The following MBOAT1 variants were observed in gnomAD, a reference collection of about 807,000 sequenced individuals.
MBOAT1 encodes the protein membrane-bound glycerophospholipid O-acyltransferase 1.
A neutral mutation model predicts 64.4 loss-of-function variants in MBOAT1; 67 were observed. The ratio of observed to expected loss-of-function variants is 1.04; its 90% CI spans 0.85 to 1.27. MBOAT1 has a LOEUF of 1.27. MBOAT1 is among the 50% of genes most tolerant of loss of function. MBOAT1 has a pLI of 0.00. For synonymous variants in MBOAT1, 229 were observed against 218.9 expected (o/e 1.05, Z -0.41); for missense variants, 563 against 604.6 (o/e 0.93, Z 0.72).
intron 3 of MBOAT1, among the ~76,000 whole-genome samples, chr6:20,147,216 C>CT (rs1435072019): frequency 1.3e-5 from 2 of 152,220 alleles, no homozygotes; most frequent in Non-Finnish European, 2.9e-5. Context: ...TCAGGTATGT[C>CT]TTTATCAGCA....
At chr6:20,127,391 C>A (rs1760686626) in intron 6 of MBOAT1, among the ~76,000 whole-genome samples, 1 of 152,172 alleles carries the variant, frequency 6.6e-6, no homozygotes, top group South Asian at 2.1e-4. Context: ...GCAGGGATTC[C>A]CAACCCCTGG....
At chr6:20,162,026 C>CTG (rs1166535939) in intron 1 of MBOAT1, among the ~76,000 whole-genome samples, 8 of 152,084 alleles carry the variant, frequency 5.3e-5, no homozygotes, top group Non-Finnish European at 1.0e-4. Flanking sequence ...TGTGTCTTCC[C>CTG]TGTGTGTGTG....
chr6:20,147,190 T>C (rs986878823), intron 3 of MBOAT1, among the ~76,000 whole-genome samples: 1 of 152,238 alleles, frequency 6.6e-6, no homozygotes, highest in African/African-American at 2.4e-5. Context: ...TCTTTTTGTA[T>C]ATAAATTACC....
chr6:20,210,382 G>A (rs775787753), intron 1 of MBOAT1, among the ~76,000 whole-genome samples: 7 of 152,110 alleles, frequency 4.6e-5, no homozygotes, highest in Non-Finnish European at 5.9e-5. Context: ...AGCCTCAAAC[G>A]ACCTTATTTA....
rs771811461 is a variant in MBOAT1, at chr6:20,198,300, A to C, written c.99+13836T>G. ...TAAGAACGTGTTCCATCTAATACGA[A>C]GCAAATGGCAATCTTCTAAAATCCT... On this transcript the variant is annotated intron_variant, in intron 1 of 12. Coordinates refer to ENST00000324607, the MANE Select transcript of MBOAT1 (RefSeq NM_001080480.3). Among the ~76,000 whole-genome samples the C allele has an allele frequency of 2.0e-5, 3 of 152,326 alleles. No homozygotes were observed. In the South Asian group the frequency reaches 6.2e-4, roughly 32 times the overall value.
intron 4 of MBOAT1, among the ~76,000 whole-genome samples, chr6:20,132,179 C>T (rs1760849659): frequency 6.6e-6 from 1 of 152,118 alleles, no homozygotes; most frequent in South Asian, 2.1e-4. Flanking sequence ...CCATGCCCAC[C>T]TAAGAATCTG....
At chr6:20,117,776 C>T (rs1381050991) in intron 9 of MBOAT1, among the ~76,000 whole-genome samples, 2 of 152,234 alleles carry the variant, frequency 1.3e-5, no homozygotes, top group East Asian at 1.9e-4. Context: ...GAGAATCATG[C>T]CCCTCCTCCC....
intron 1 of MBOAT1, among the ~76,000 whole-genome samples, chr6:20,155,701 G>C (rs1761656161): frequency 6.6e-6 from 1 of 152,166 alleles, no homozygotes; most frequent in Admixed American, 6.5e-5. Flanking sequence ...AGAAAAACAA[G>C]CTTGGCCAAT....
chr6:20,129,242 A>G (rs1409656401), intron 5 of MBOAT1, among the ~76,000 whole-genome samples: 1 of 152,194 alleles, frequency 6.6e-6, no homozygotes, highest in Non-Finnish European at 1.5e-5. Flanking sequence ...CCAGAACAAT[A>G]AAAAATAAAA....
At chr6:20,211,069 G>A (rs1294627295) in intron 1 of MBOAT1, among the ~76,000 whole-genome samples, 2 of 152,158 alleles carry the variant, frequency 1.3e-5, no homozygotes, top group Non-Finnish European at 2.9e-5. Flanking sequence ...GAACGCAATG[G>A]TCACATCAGG....
rs370734038 is a variant in MBOAT1, at chr6:20,126,133, A to C, written c.714+384T>G. ...TGAGCTCTACAAGAAAAACACAGTA[A>C]TTCCAGTTCCGTGGTCCCCCTCCCC... On this transcript the variant is annotated intron_variant, in intron 7 of 12. Coordinates refer to ENST00000324607, the MANE Select transcript of MBOAT1 (RefSeq NM_001080480.3). 9.2e-5 allele frequency among the ~76,000 whole-genome samples: 14 copies of C among 152,198 alleles called. No homozygotes were observed. The East Asian group carries it at 1.5e-3, about 17-fold the overall frequency.
chr6:20,128,547 T>C, intron 6 of MBOAT1, 152 bp downstream of exon 6: 2 of 572,260 alleles, frequency 3.5e-6, no homozygotes, highest in East Asian at 6.5e-5. Context: ...CAAAGACTGG[T>C]AACAATGCAC....
At chr6:20,113,115 G>C (rs180877134) in intron 10 of MBOAT1, 107 bp from the exon 11 acceptor site, 246 of 1,340,328 alleles carry the variant, frequency 1.8e-4, no homozygotes, top group Non-Finnish European at 2.3e-4. Context: ...GGTTGTTACT[G>C]ATGAGATGCC....
intron 8 of MBOAT1, among the ~76,000 whole-genome samples, chr6:20,120,209 TA>T (rs1561749796): frequency 6.6e-6 from 1 of 152,078 alleles, no homozygotes; most frequent in Non-Finnish European, 1.5e-5. Flanking sequence ...ATCTAACGTC[TA>T]AAAACCTGCT....
intron 12 of MBOAT1, among the ~76,000 whole-genome samples, chr6:20,108,596 C>T (rs374656618): frequency 1.3e-5 from 2 of 152,194 alleles, no homozygotes; most frequent in Non-Finnish European, 2.9e-5. Context: ...ACCCCTCCAT[C>T]GGCTATAGGG....
rs78418520 is a variant in MBOAT1, at chr6:20,173,772, G to A, written c.100-21003C>T. ...TCGAGACGAGCCTGGCAAACATGAT[G>A]AAACCCTGTCTCTACTAAAAATACA... On this transcript the variant is annotated intron_variant, in intron 1 of 12. Coordinates refer to ENST00000324607, the MANE Select transcript of MBOAT1 (RefSeq NM_001080480.3). 8.1e-3 allele frequency among the ~76,000 whole-genome samples: 1,231 copies of A among 152,268 alleles called. 23 individuals carry two copies. The highest frequency in any genetic ancestry group is 0.027 in the African/African-American group (1,116 of 41,532).
chr6:20,127,788 T>G (rs774568514), intron 6 of MBOAT1, among the ~76,000 whole-genome samples: 3 of 152,102 alleles, frequency 2.0e-5, no homozygotes, highest in Non-Finnish European at 2.9e-5. Context: ...CAATACAAAG[T>G]GCACAATAAA....
At chr6:20,142,006 C>T (rs1424179547) in intron 4 of MBOAT1, among the ~76,000 whole-genome samples, 3 of 152,114 alleles carry the variant, frequency 2.0e-5, no homozygotes, top group Non-Finnish European at 4.4e-5. Context: ...CAGTGTCTCT[C>T]GAACCTGGCA....
chr6:20,172,028 G>A (rs1261300982), intron 1 of MBOAT1, among the ~76,000 whole-genome samples: 3 of 151,838 alleles, frequency 2.0e-5, no homozygotes, highest in Non-Finnish European at 2.9e-5. Context: ...GTGAGATTCT[G>A]TCTCTAAAAA....
Sources: gnomAD v4.1 joint callset for allele counts (sites outside exome capture counted in the v4.1 genomes callset) on GRCh38, gnomAD v4.1.1 for gene constraint, MANE v1.5 for transcripts, NCBI Gene and HGNC (gene_info 2026-07-23, HGNC 2026-07-21) for gene names.